CRIM1: variants seen among roughly 807,000 people sequenced by gnomAD.
CRIM1 encodes the protein cysteine rich transmembrane BMP regulator 1.
CRIM1 carries 32 observed loss-of-function variants against 116.4 expected under a neutral mutation model. The ratio of observed to expected loss-of-function variants is 0.27; its 90% CI spans 0.21 to 0.37. The LOEUF (loss-of-function observed/expected upper bound fraction) is 0.37. Among genes scored for constraint, CRIM1 ranks in the 10% least tolerant of loss-of-function variants. The pLI is 1.00. For missense variants in CRIM1, 1,331 were observed against 1,354.8 expected, an observed-to-expected ratio of 0.98 and a Z score of 0.28; for synonymous variants, 590 against 509.2, an observed-to-expected ratio of 1.16 and a Z score of -2.13.
At chr2:36,441,727 T>C (rs1422737578) in intron 3 of CRIM1, among the ~76,000 whole-genome samples, 2 of 152,154 alleles carry the variant, frequency 1.3e-5, no homozygotes, top group Admixed American at 6.5e-5. Flanking sequence ...CGAGCGTGTC[T>C]TTTCCTCTTT....
intron 15 of CRIM1, 71 bp from the exon 16 acceptor site, chr2:36,546,913 G>A: frequency 1.1e-6 from 1 of 879,246 alleles, no homozygotes. Context: ...ATCTCTATTT[G>A]CAATGTCATT....
At chr2:36,525,616 A>G (rs574719286) in intron 13 of CRIM1, among the ~76,000 whole-genome samples, 2 of 152,320 alleles carry the variant, frequency 1.3e-5, no homozygotes, top group Admixed American at 1.3e-4. Context: ...AGGCTTTCTC[A>G]GTTTTAACTC....
At chr2:36,496,259 T>C (rs1680585382) in intron 7 of CRIM1, among the ~76,000 whole-genome samples, 1 of 152,224 alleles carries the variant, frequency 6.6e-6, no homozygotes, top group South Asian at 2.1e-4. Context: ...AAAACCTAGA[T>C]TTCTAGCTAT....
rs557672699 is a variant in CRIM1 at position 36,429,173 on chromosome 2, C to T, written c.506-12085C>T. Among the ~76,000 whole-genome samples the T allele has an allele frequency of 3.7e-4, 56 of 152,340 alleles. No individual in the cohort carries two copies. The South Asian group carries it at 8.3e-3, about 23-fold the overall frequency. On this transcript the variant is annotated intron_variant, in intron 2 of 16. Transcript: ENST00000280527. ...ACATTTATAGAATTAAATTTCATGA[C>T]ACTCTTATTGCACATAACACAAATT...
chr2:36,504,129 C>A (rs777194508), intron 8 of CRIM1, among the ~76,000 whole-genome samples: 1 of 152,158 alleles, frequency 6.6e-6, no homozygotes, highest in Non-Finnish European at 1.5e-5. Context: ...CCGACTCGAT[C>A]TCCTAAAGTG....
chr2:36,436,683 T>C lies in CRIM1; in HGVS notation c.506-4575T>C, dbSNP rs1296764553. The stretch of plus-strand genomic sequence containing the variant: ...GTTCTTTTCAAATACCCATCTATTT[T>C]AAAATTGGTTATGAGACCACACATA... On this transcript the variant is annotated intron_variant, in intron 2 of 16. Transcript: ENST00000280527. 2.0e-5 allele frequency among the ~76,000 whole-genome samples: 3 copies of C among 152,304 alleles called. No homozygotes were observed. The East Asian group carries it at 5.8e-4, about 29-fold the overall frequency.
At chr2:36,534,344 G>C (rs773628725) in intron 13 of CRIM1, among the ~76,000 whole-genome samples, 2 of 132,114 alleles carry the variant, frequency 1.5e-5, no homozygotes, top group African/African-American at 2.9e-5. Flanking sequence ...GAGGGAGGGA[G>C]GAGGAGGGAA....
intron 13 of CRIM1, among the ~76,000 whole-genome samples, chr2:36,527,495 T>C (rs777490398): frequency 6.6e-6 from 1 of 152,210 alleles, no homozygotes; most frequent in Non-Finnish European, 1.5e-5. Flanking sequence ...CTGGCTGTGA[T>C]ACTGTCACTG....
At chr2:36,409,053 A>T (rs1224342795) in intron 2 of CRIM1, among the ~76,000 whole-genome samples, 1 of 151,980 alleles carries the variant, frequency 6.6e-6, no homozygotes, top group Non-Finnish European at 1.5e-5. Flanking sequence ...AGTTTTAATT[A>T]AAAAAGAAAA....
intron 13 of CRIM1, among the ~76,000 whole-genome samples, chr2:36,531,445 TG>T (rs1666114010): frequency 6.6e-6 from 1 of 151,830 alleles, no homozygotes; most frequent in Non-Finnish European, 1.5e-5. Flanking sequence ...TCCTACATCA[TG>T]GTCAGTTTCA....
rs1264521069 is a variant in CRIM1, at chr2:36,549,037, T to C, written c.*336T>C. On this transcript the variant is annotated 3_prime_UTR_variant, in exon 17 of 17. Transcript: ENST00000280527. ...GGGAGGGTGGTGTTGGGAAGAAAAA[T>C]TGGTCAGCTTGGCTCGGGGAGAAAC... is the stretch of plus-strand genomic sequence containing the variant. The C allele has an allele frequency of 5.9e-6, 1 of 169,086 alleles. No homozygotes were observed. The highest frequency in any genetic ancestry group is 1.3e-5 in the Non-Finnish European group (1 of 79,120). The allele number at this position is 169,086 out of a possible 1,614,324, so 10.5% of individuals were successfully genotyped here. A position where few individuals can be genotyped will look rare whatever the true frequency, so the allele number is the denominator to read the frequency against.
chr2:36,543,232 C>T (rs1203360253), intron 14 of CRIM1, among the ~76,000 whole-genome samples: 2 of 152,168 alleles, frequency 1.3e-5, no homozygotes, highest in Admixed American at 1.3e-4. Context: ...CTTAACCTCT[C>T]TGGGTTTCTT....
At chr2:36,489,082 A>G (rs1680044872) in intron 7 of CRIM1, among the ~76,000 whole-genome samples, 1 of 152,210 alleles carries the variant, frequency 6.6e-6, no homozygotes, top group African/African-American at 2.4e-5. Flanking sequence ...CATTCATGAT[A>G]TAATTTGAGA....
intron 13 of CRIM1, among the ~76,000 whole-genome samples, chr2:36,533,362 GTAGC>G: frequency 6.7e-6 from 1 of 149,834 alleles, no homozygotes; most frequent in Admixed American, 6.7e-5. Context: ...ACTAAGGCAG[GTAGC>G]TAGCTTGAGG....
intron 13 of CRIM1, among the ~76,000 whole-genome samples, chr2:36,534,008 A>C (rs1666304245): frequency 7.2e-6 from 1 of 138,830 alleles, no homozygotes; most frequent in Non-Finnish European, 1.6e-5. Context: ...GAAGGAAGGA[A>C]AGGAGGGAGG....
At chr2:36,503,254 G>C (rs866425823) in intron 8 of CRIM1, among the ~76,000 whole-genome samples, 1 of 152,316 alleles carries the variant, frequency 6.6e-6, no homozygotes, top group South Asian at 2.1e-4. Flanking sequence ...ACTGGAGTCA[G>C]ACTGCCTGGG....
chr2:36,550,259 A>ATGGTT lies in CRIM1; in HGVS notation c.*1561_*1565dup, dbSNP rs566602101. 1 of 148,722 alleles carries ATGGTT rather than the reference A, an allele frequency of 6.7e-6. No homozygotes were observed. The highest frequency in any genetic ancestry group is 2.1e-4 in the South Asian group (1 of 4,748). 9.2% of individuals were successfully genotyped at this position (148,722 alleles called of 1,614,324 possible). ...ATTTTTTTTTTTTTTTTTTCAAACA[A>ATGGTT]TGGTTTGAAACAACTACTGGAATAT... On this transcript the variant is annotated 3_prime_UTR_variant, in exon 17 of 17. Coordinates refer to ENST00000280527, the MANE Select transcript of CRIM1 (RefSeq NM_016441.3).
Position 36,510,054 on chromosome 2 carries a change from C to G in CRIM1, c.1573C>G (p.Gln525Glu), listed in dbSNP as rs753078667. 1.1e-5 allele frequency: 18 copies of G among 1,613,990 alleles called. No individual in the cohort carries two copies. The highest frequency in any genetic ancestry group is 1.4e-5 in the Non-Finnish European group (17 of 1,180,006). Residue 525 changes from glutamine to glutamate, a missense_variant, in exon 9 of 17, where the codon CAA becomes GAA. Coordinates refer to ENST00000280527, the MANE Select transcript of CRIM1 (RefSeq NM_016441.3). ...NCPFGFLTDA[Q>E]NCEICECRPR... ...TCCCTTCGGTTTCCTTACTGATGCC[C>G]AAAACTGTGAGATCTGTGAGTGCCG...
At chr2:36,398,552 A>G (rs1164140548) in intron 2 of CRIM1, among the ~76,000 whole-genome samples, 7 of 152,218 alleles carry the variant, frequency 4.6e-5, no homozygotes, top group Non-Finnish European at 1.0e-4. Context: ...GAGATCCAGC[A>G]TTTCCAATTT....
Sources: allele counts gnomAD v4.1 joint callset (sites outside exome capture counted in the v4.1 genomes callset), GRCh38; gene constraint gnomAD v4.1.1; transcripts MANE v1.5; gene names NCBI Gene and HGNC (gene_info 2026-07-23, HGNC 2026-07-21).